NADSYN1: variants seen among roughly 807,000 people sequenced by gnomAD.
NADSYN1 encodes the protein NAD synthetase 1, also known as glutamine-dependent NAD(+) synthetase.
NADSYN1 carries 80 observed loss-of-function variants against 99.3 expected under a neutral mutation model. The ratio of observed to expected loss-of-function variants is 0.81; its 90% confidence interval spans 0.67 to 0.97. The LOEUF is 0.97. Ranked by LOEUF, NADSYN1 falls within the 50% of genes least tolerant of loss-of-function variation. The pLI, the probability that NADSYN1 is intolerant of heterozygous loss-of-function variation, is 0.00. For synonymous variants in NADSYN1, 385 were observed against 372.1 expected (o/e 1.03, Z -0.40); for missense variants, 859 against 948.5 (o/e 0.91, Z 1.24).
At chr11:71,466,791 A>T (rs1309761073) in intron 5 of NADSYN1, 1 of 152,216 alleles carries the variant, frequency 6.6e-6, no homozygotes, top group Non-Finnish European at 1.5e-5. Flanking sequence ...ATATGTATGC[A>T]TTTATGTCTC....
At chr11:71,488,723 A>G (rs1949760354) in intron 16 of NADSYN1, among the ~76,000 whole-genome samples, 1 of 152,122 alleles carries the variant, frequency 6.6e-6, no homozygotes. Flanking sequence ...GTCACAGCTC[A>G]CTGCAGCCTT....
chr11:71,453,243 G>A lies in NADSYN1; in HGVS notation c.-54G>A. ...GCGTCCCAGCCGCCTACCTCGCTGG[G>A]ACCCTGGTCTTGCTGTCCCCCGCTG... On this transcript the variant is annotated 5_prime_UTR_variant, in exon 1 of 21. Transcript: ENST00000319023. 1.3e-6 allele frequency: 2 copies of A among 1,533,096 alleles called. No homozygotes were observed. The highest frequency in any genetic ancestry group is 1.8e-6 in the Non-Finnish European group (2 of 1,114,592). The allele number at this position is 1,533,096 out of a possible 1,614,324, so 95.0% of individuals were successfully genotyped here. A position where few individuals can be genotyped will look rare whatever the true frequency, so the allele number is the denominator to read the frequency against.
At chr11:71,453,746 G>A (rs1049090745) in intron 1 of NADSYN1, among the ~76,000 whole-genome samples, 1 of 152,198 alleles carries the variant, frequency 6.6e-6, no homozygotes, top group African/African-American at 2.4e-5. Flanking sequence ...GCACTGGCGG[G>A]GATGGTGTGC....
intron 9 of NADSYN1, chr11:71,476,883 C>T (rs1949670805): frequency 6.1e-6 from 6 of 986,766 alleles, no homozygotes; most frequent in Admixed American, 6.1e-5. Flanking sequence ...GCAGTTGTTT[C>T]GTGCATTAGA....
intron 15 of NADSYN1, 182 bp from the exon 16 acceptor site, chr11:71,485,360 G>A (rs992948628): frequency 1.4e-5 from 7 of 490,058 alleles, no homozygotes; most frequent in Non-Finnish European, 2.2e-5. Flanking sequence ...GCCCTGTGGA[G>A]GTGGGACCAC....
chr11:71,462,297 T>C (rs1949555888), intron 3 of NADSYN1, among the ~76,000 whole-genome samples: 1 of 152,186 alleles, frequency 6.6e-6, no homozygotes, highest in African/African-American at 2.4e-5. Flanking sequence ...GGAGGTTTCA[T>C]TTACATCATA....
Position 71,480,798 on chromosome 11 carries a change from C to A in NADSYN1, c.917C>A (p.Ala306Asp), listed in dbSNP as rs1949701199. The change falls in exon 11 of 21, where the codon GCC (alanine) becomes GAC (aspartate). Residue 306 changes from alanine (A) to aspartate (D), a missense_variant. Transcript: ENST00000319023. Reference sequence around the variant, plus strand: ...TACCCCAGAGTGAAGGTGGACTTTGCCCTCTCGTGCCACGAGGACTTGCTG... The same window carrying A: ...TACCCCAGAGTGAAGGTGGACTTTGACCTCTCGTGCCACGAGGACTTGCTG... Reference protein sequence around the residue: ...SPYPRVKVDFALSCHEDLLAP... With the variant: ...SPYPRVKVDFDLSCHEDLLAP... 1.9e-6 allele frequency: 3 copies of A among 1,614,066 alleles called. No homozygotes were observed. The African/African-American group carries it at 4.0e-5, about 22-fold the overall frequency.
At chr11:71,466,816 A>C (rs1949594329) in intron 5 of NADSYN1, 1 of 152,234 alleles carries the variant, frequency 6.6e-6, no homozygotes, top group African/African-American at 2.4e-5. Context: ...TCAAATGTGC[A>C]CCACTGAGCT....
At chr11:71,457,228 C>A (rs2120391074) in intron 2 of NADSYN1, among the ~76,000 whole-genome samples, 1 of 152,392 alleles carries the variant, frequency 6.6e-6, no homozygotes, top group South Asian at 2.1e-4. Context: ...TCTCAGAACT[C>A]CATTCCCTAC....
At position 71,458,522 on chromosome 11, in the gene NADSYN1, G is replaced by T. The variant is rs150058414; in HGVS notation, c.241G>T (p.Asp81Tyr). Residue 81 changes from aspartate to tyrosine, a missense_variant, in exon 3 of 21, where the codon GAC becomes TAC. By Grantham distance (160) the Asp-to-Tyr change is radical. Coordinates refer to ENST00000319023, the MANE Select transcript of NADSYN1 (RefSeq NM_018161.5). ...AALVESPVTQ[D>Y]IICDVGMPVM... Reference sequence around the variant, plus strand: ...CCTTGTGGAGTCTCCCGTCACTCAGGACATCATCTGCGACGTGGGGATGTA... The same window carrying T: ...CCTTGTGGAGTCTCCCGTCACTCAGTACATCATCTGCGACGTGGGGATGTA... 1 of 1,611,294 alleles carries T rather than the reference G, an allele frequency of 6.2e-7. No individual in the cohort carries two copies. Among genetic ancestry groups the T allele is most frequent in the Non-Finnish European group, 8.5e-7 (1 of 1,177,364 alleles).
chr11:71,466,278 C>T (rs1450721563), intron 5 of NADSYN1, among the ~76,000 whole-genome samples: 1 of 152,204 alleles, frequency 6.6e-6, no homozygotes, highest in African/African-American at 2.4e-5. Flanking sequence ...TGAGCACCTA[C>T]ACTCAGCCAC....
intron 3 of NADSYN1, 53 bp downstream of exon 3, chr11:71,458,597 A>C: frequency 1.5e-6 from 2 of 1,354,330 alleles, no homozygotes; most frequent in Non-Finnish European, 2.1e-6. Context: ...GGCAAGCTCA[A>C]GGGCATGACC....
At chr11:71,489,793 T>C (rs1283867160) in intron 16 of NADSYN1, among the ~76,000 whole-genome samples, 1 of 151,758 alleles carries the variant, frequency 6.6e-6, no homozygotes, top group Non-Finnish European at 1.5e-5. Flanking sequence ...AGTTTGGGAG[T>C]GTCAAGAAAT....
At chr11:71,471,515 C>T (rs1164080808) in intron 5 of NADSYN1, among the ~76,000 whole-genome samples, 2 of 152,172 alleles carry the variant, frequency 1.3e-5, no homozygotes, top group Non-Finnish European at 2.9e-5. Flanking sequence ...ATGCCTGTCC[C>T]GCTGGGTCTT....
intron 18 of NADSYN1, among the ~76,000 whole-genome samples, chr11:71,493,234 T>A (rs1041249828): frequency 8.5e-5 from 13 of 152,234 alleles, no homozygotes; most frequent in Non-Finnish European, 1.5e-4. Context: ...TTCTCAGAAT[T>A]TAAGGTTGCA....
intron 6 of NADSYN1, 139 bp downstream of exon 6, chr11:71,472,639 G>A (rs1157285352): frequency 3.7e-6 from 3 of 805,798 alleles, no homozygotes; most frequent in Non-Finnish European, 6.2e-6. Context: ...AACAGACAAA[G>A]GAGGCAGGTT....
intron 12 of NADSYN1, 76 bp downstream of exon 12, chr11:71,481,480 G>T (rs2120473034): frequency 1.4e-6 from 2 of 1,391,290 alleles, no homozygotes; most frequent in Non-Finnish European, 1.0e-6. Context: ...GGGCAGGGTA[G>T]GGATTTTTTT....
rs904456553 is a variant in NADSYN1 at position 71,481,119 on chromosome 11, A to T, written c.999-237A>T. ...TTGGGCCCCAAGGTGCTGTCCGTCC[A>T]TTCTGTGGTTCAGTGTCCCCATTTT... On this transcript the variant is annotated intron_variant, in intron 11 of 20. Coordinates refer to ENST00000319023, the MANE Select transcript of NADSYN1 (RefSeq NM_018161.5). 38 of 648,768 alleles carry T rather than the reference A, an allele frequency of 5.9e-5. No individual in the cohort carries two copies. In the African/African-American group the frequency reaches 6.8e-4, roughly 12 times the overall value. The allele number at this position is 648,768 out of a possible 1,614,324, so 40.2% of individuals were successfully genotyped here.
At chr11:71,481,866 C>A (rs1949710179) in intron 12 of NADSYN1, 57 bp from the exon 13 acceptor site, 1 of 1,503,680 alleles carries the variant, frequency 6.7e-7, no homozygotes, top group South Asian at 1.2e-5. Context: ...TTGGCTGATC[C>A]ATGGGCATGC....
Sources: allele counts gnomAD v4.1 joint callset (sites outside exome capture counted in the v4.1 genomes callset), GRCh38; gene constraint gnomAD v4.1.1; transcripts MANE v1.5; gene names NCBI Gene and HGNC (gene_info 2026-07-23, HGNC 2026-07-21).